IQSEC1: variants seen among roughly 807,000 people sequenced by gnomAD.
IQSEC1 encodes the protein IQ motif and Sec7 domain ArfGEF 1, also known as IQ motif and SEC7 domain-containing protein 1.
Under a neutral mutation model 91.0 loss-of-function variants are expected in IQSEC1, and 31 were observed. That is an observed-to-expected ratio of 0.34 (90% CI 0.26 to 0.46). IQSEC1 has a LOEUF of 0.46. IQSEC1 is among the 20% of genes least tolerant of loss of function. The probability of loss-of-function intolerance (pLI) is 1.00; values close to 1 mark genes in which losing one functional copy is unlikely to be tolerated. For missense variants in IQSEC1, 1,388 were observed against 1,575.6 expected (o/e 0.88, Z 2.02); for synonymous variants, 699 against 662.6 (o/e 1.05, Z -0.84).
chr3:13,254,813 C>T lies in IQSEC1; in HGVS notation c.272+27898G>A, dbSNP rs748140851. 1.4e-3 allele frequency among the ~76,000 whole-genome samples: 214 copies of T among 152,320 alleles called. 1 individual carries two copies. The highest frequency in any genetic ancestry group is 2.2e-3 in the Non-Finnish European group (151 of 68,036). On this transcript the variant is annotated intron_variant, in intron 1 of 15. Transcript: ENST00000648114. ...TAGAATCCTGGACGGCCCTGCCTGT[C>T]CCCACATTAGAGATGAGGAAACCGA...
intron 1 of IQSEC1, among the ~76,000 whole-genome samples, chr3:13,180,385 C>T (rs1294537966): frequency 1.3e-5 from 2 of 151,450 alleles, no homozygotes; most frequent in Admixed American, 1.3e-4. Flanking sequence ...CACTCTGTAT[C>T]TAGCTAATCT....
rs112552094 is a variant in IQSEC1 at position 12,935,372 on chromosome 3, G to T, written c.1568+76C>A. The T allele has an allele frequency of 6.5e-5, 93 of 1,421,164 alleles. No homozygotes were observed. The African/African-American group carries it at 8.1e-4, about 12-fold the overall frequency. The allele number at this position is 1,421,164 out of a possible 1,614,324, so 88.0% of individuals were successfully genotyped here. A position where few individuals can be genotyped will look rare whatever the true frequency, so the allele number is the denominator to read the frequency against. On this transcript the variant is annotated intron_variant, in intron 3 of 13. Transcript: ENST00000613206. The surrounding 1 kb of genome is among the most constrained non-coding windows in gnomAD (Gnocchi z 8.0). ...TGGACCTCAAGCTCCGTGCTTGGAA[G>T]GATGCAGCCACGCCCACCCGCCAAG... is the stretch of plus-strand genomic sequence containing the variant.
intron 2 of IQSEC1, among the ~76,000 whole-genome samples, chr3:13,157,763 G>T (rs968220173): frequency 1.3e-5 from 2 of 152,160 alleles, no homozygotes; most frequent in African/African-American, 4.8e-5. Context: ...CTGAGCAGCC[G>T]CGTCTCCACA....
intron 2 of IQSEC1, among the ~76,000 whole-genome samples, chr3:13,082,815 G>A (rs77939505): frequency 0.092 from 14,044 of 152,114 alleles, 838 homozygotes; most frequent in East Asian, 0.27. Context: ...CTTCCTTTCC[G>A]GCCATGCCCC....
chr3:13,197,964 A>C (rs1694166663), intron 1 of IQSEC1, among the ~76,000 whole-genome samples: 1 of 152,184 alleles, frequency 6.6e-6, no homozygotes, highest in South Asian at 2.1e-4. Flanking sequence ...GTGTGTGCAC[A>C]GCGTGCACCC....
At position 12,935,912 on chromosome 3, in the gene IQSEC1, G is replaced by A. The variant is rs1275658107; in HGVS notation, c.1104C>T (p.Ile368=). 4 of 1,601,608 alleles carry A rather than the reference G, an allele frequency of 2.5e-6. No individual in the cohort carries two copies. The highest frequency in any genetic ancestry group is 2.5e-6 in the Non-Finnish European group (3 of 1,179,504). Residue 368 remains isoleucine (I), a synonymous_variant, in exon 3 of 14, where the codon ATC becomes ATT. Transcript: ENST00000613206. The surrounding 1 kb of genome is among the most constrained non-coding windows in gnomAD (Gnocchi z 8.0). The part of the protein sequence containing the change: ...LRVEHLPLLT[I]EPPSDSSVDL... Reference sequence around the variant, plus strand: ...CCACAGAGCTGTCGCTGGGTGGCTCGATGGTGAGCAGCGGCAGATGCTCCA... The same window carrying A: ...CCACAGAGCTGTCGCTGGGTGGCTCAATGGTGAGCAGCGGCAGATGCTCCA...
Position 12,983,473 on chromosome 3 carries a change from CCCACCCA to C in IQSEC1, c.24-41615_24-41609del, listed in dbSNP as rs1361973506. ...ACTGGGTTGGTCTTGGCAGGTCCAG[CCCACCCA>C]CCACCTGTCACCCTGCTGGAGAACT... is the stretch of plus-strand genomic sequence containing the variant. On this transcript the variant is annotated intron_variant, in intron 1 of 13. Transcript: ENST00000613206. The surrounding 1 kb of genome is among the most constrained non-coding windows in gnomAD (Gnocchi z 4.3). 1.3e-5 allele frequency among the ~76,000 whole-genome samples: 2 copies of C among 152,176 alleles called. No individual in the cohort carries two copies. The highest frequency in any genetic ancestry group is 4.8e-5 in the African/African-American group (2 of 41,428).
At chr3:12,918,447 C>G (rs1269603701) in intron 6 of IQSEC1, among the ~76,000 whole-genome samples, 1 of 152,160 alleles carries the variant, frequency 6.6e-6, no homozygotes, top group Non-Finnish European at 1.5e-5. Context: ...TACTCTAGGC[C>G]AGTCATTTCT....
rs1010182779 is a variant in IQSEC1 at position 12,901,574 on chromosome 3, G to T, written c.2806-52C>A. On this transcript the variant is annotated intron_variant, in intron 13 of 13. Transcript: ENST00000613206. Reference sequence around the variant, plus strand: ...AATTAAAAGATCTTCAAGCACTTAGGTCAGAATGATTTTTTTTTTTCAAAT... The same window carrying T: ...AATTAAAAGATCTTCAAGCACTTAGTTCAGAATGATTTTTTTTTTTCAAAT... 1.7e-5 allele frequency: 24 copies of T among 1,424,606 alleles called. No homozygotes were observed. In the Middle Eastern group the frequency reaches 8.8e-4, roughly 52 times the overall value. The allele number at this position is 1,424,606 out of a possible 1,614,324, so 88.2% of individuals were successfully genotyped here.
intron 1 of IQSEC1, among the ~76,000 whole-genome samples, chr3:12,984,233 G>C (rs1208167478): frequency 6.6e-6 from 1 of 152,208 alleles, no homozygotes; most frequent in Non-Finnish European, 1.5e-5. Context: ...CCTGGAGGGA[G>C]ATTCTAGACA....
chr3:13,208,154 C>T (rs960444432), intron 1 of IQSEC1, among the ~76,000 whole-genome samples: 3 of 150,232 alleles, frequency 2.0e-5, no homozygotes, highest in African/African-American at 4.9e-5. Flanking sequence ...CAATGAGCGA[C>T]AAGACACTGC....
At chr3:13,189,975 T>A (rs1693994198) in intron 1 of IQSEC1, among the ~76,000 whole-genome samples, 1 of 152,186 alleles carries the variant, frequency 6.6e-6, no homozygotes, top group Non-Finnish European at 1.5e-5. Flanking sequence ...CCGTCATGCC[T>A]GGAGAGCCAG....
At chr3:13,069,444 T>G (rs1705342612) in intron 1 of IQSEC1, among the ~76,000 whole-genome samples, 1 of 152,212 alleles carries the variant, frequency 6.6e-6, no homozygotes, top group Admixed American at 6.5e-5. Context: ...TCCCTTCTTC[T>G]GTCTAGGGGA....
intron 1 of IQSEC1, among the ~76,000 whole-genome samples, chr3:13,206,800 G>A (rs1196808196): frequency 6.6e-6 from 1 of 152,118 alleles, no homozygotes; most frequent in Non-Finnish European, 1.5e-5. Context: ...GTATTTATTT[G>A]TGTATTGCTA....
chr3:12,958,084 G>C lies in IQSEC1; in HGVS notation c.24-16219C>G, dbSNP rs561701857. ...GAGGCCCCGGGACACCTCCCTGCCT[G>C]TCATGTTCTTACCTCTGTGGGGCCA... On this transcript the variant is annotated intron_variant, in intron 1 of 13. Transcript: ENST00000613206. Among the ~76,000 whole-genome samples, 866 of 152,314 alleles carry C rather than the reference G, an allele frequency of 5.7e-3. 7 individuals are homozygous for C. Among genetic ancestry groups the C allele is most frequent in the African/African-American group, 0.02 (823 of 41,566 alleles).
intron 1 of IQSEC1, among the ~76,000 whole-genome samples, chr3:12,952,099 G>A (rs1699589034): frequency 6.6e-6 from 1 of 152,172 alleles, no homozygotes; most frequent in African/African-American, 2.4e-5. Context: ...CCCCTACAGG[G>A]CGTGGCGGGA....
intron 1 of IQSEC1, among the ~76,000 whole-genome samples, chr3:13,056,641 G>A (rs1300484133): frequency 2.0e-5 from 3 of 151,730 alleles, no homozygotes; most frequent in African/African-American, 7.3e-5. Context: ...CTGCTGTAAC[G>A]TCCCGCACCA....
At chr3:12,962,014 A>T (rs1700268577) in intron 1 of IQSEC1, among the ~76,000 whole-genome samples, 1 of 152,206 alleles carries the variant, frequency 6.6e-6, no homozygotes, top group Non-Finnish European at 1.5e-5. Context: ...AAATGACTAC[A>T]AGGATCAAGA....
intron 1 of IQSEC1, among the ~76,000 whole-genome samples, chr3:13,203,956 GC>G (rs1479187137): frequency 6.6e-6 from 1 of 152,226 alleles, no homozygotes; most frequent in Non-Finnish European, 1.5e-5. Context: ...CGGCTTTCCT[GC>G]CCTAGGCCCC....
Sources: allele counts gnomAD v4.1 joint callset (sites outside exome capture counted in the v4.1 genomes callset), GRCh38; gene constraint gnomAD v4.1.1; non-coding constraint Gnocchi (gnomAD v3.1); transcripts MANE v1.5; gene names NCBI Gene and HGNC (gene_info 2026-07-23, HGNC 2026-07-21).